Variants in ITGAE observed in about 807,000 individuals in gnomAD.
ITGAE encodes integrin alpha-E.
ITGAE carries 99 observed loss-of-function variants against 136.5 expected under a neutral mutation model. The ratio of observed to expected loss-of-function variants is 0.73; its 90% CI spans 0.62 to 0.86. The LOEUF is 0.86. Among genes scored for constraint, ITGAE ranks in the 40% least tolerant of loss-of-function variants. The pLI, the probability that ITGAE is intolerant of heterozygous loss-of-function variation, is 0.00. For missense variants in ITGAE, 1,447 were observed against 1,515.3 expected, an observed-to-expected ratio of 0.95 and a Z score of 0.75; for synonymous variants, 613 against 591.8, an observed-to-expected ratio of 1.04 and a Z score of -0.52.
chr17:3,791,520 T>A (rs993264164), intron 1 of ITGAE, among the ~76,000 whole-genome samples: 1 of 152,130 alleles, frequency 6.6e-6, no homozygotes, highest in Non-Finnish European at 1.5e-5. Flanking sequence ...TGACCTCAGG[T>A]GATCCACCAG....
At chr17:3,782,231 C>T (rs1349873394) in intron 1 of ITGAE, among the ~76,000 whole-genome samples, 1 of 136,966 alleles carries the variant, frequency 7.3e-6, no homozygotes, top group Non-Finnish European at 1.5e-5. Context: ...ACTGACATCG[C>T]GCCATTGCAC....
intron 15 of ITGAE, 72 bp from the exon 16 acceptor site, chr17:3,750,554 CT>C (rs1235915179): frequency 1.7e-5 from 26 of 1,565,674 alleles, no homozygotes; most frequent in Non-Finnish European, 2.1e-5. Context: ...CTTTCATGAT[CT>C]ATCCCGATCA....
At position 3,716,739 on chromosome 17, in the gene ITGAE, G is replaced by A; in HGVS notation, c.3393C>T (p.Gly1131=). ...TCAACACCAGAAGTCCACCAACGCT[G>A]CCTTTAATGATGATAGGCAAAGAAT... is the stretch of plus-strand genomic sequence containing the variant. ...KYHSLPIIIK[G]SVGGLLVLIV... Residue 1131 remains glycine (G), a synonymous_variant, in exon 30 of 31, where the codon GGC becomes GGT. Coordinates refer to ENST00000263087, the MANE Select transcript of ITGAE (RefSeq NM_002208.5). 6.2e-7 allele frequency: 1 copy of A among 1,612,032 alleles called. No individual in the cohort carries two copies. Among genetic ancestry groups the A allele is most frequent in the South Asian group, 1.1e-5 (1 of 91,028 alleles).
intron 1 of ITGAE, among the ~76,000 whole-genome samples, chr17:3,796,322 C>T (rs550446724): frequency 9.2e-5 from 14 of 152,230 alleles, no homozygotes; most frequent in Middle Eastern, 3.4e-3. Flanking sequence ...CTTTGAGCTG[C>T]GCCTCCATCA....
chr17:3,739,996 G>A (rs1293147584), intron 19 of ITGAE, 118 bp from the exon 20 acceptor site: 4 of 771,154 alleles, frequency 5.2e-6, no homozygotes, highest in African/African-American at 5.1e-5. Flanking sequence ...CCTGAGAAGT[G>A]CAGTTACAGG....
At position 3,742,871 on chromosome 17, in the gene ITGAE, C is replaced by T. The variant is rs1211574824; in HGVS notation, c.2448+618G>A. Among the ~76,000 whole-genome samples the T allele has an allele frequency of 3.3e-5, 5 of 152,248 alleles. No individual in the cohort carries two copies. The South Asian group carries it at 6.2e-4, about 19-fold the overall frequency. On this transcript the variant is annotated intron_variant, in intron 19 of 30. Transcript: ENST00000263087. ...TTCACCATCTTGGCCAGGCTGGTAT[C>T]GAACTCCTGACCTCAGGTGATCCAC...
At chr17:3,725,936 C>T (rs2051200701) in intron 26 of ITGAE, 2 of 1,613,714 alleles carry the variant, frequency 1.2e-6, no homozygotes, top group African/African-American at 2.7e-5. Flanking sequence ...AACTCCACTA[C>T]ACCCTCAATG....
chr17:3,741,842 C>T (rs1229937003), intron 19 of ITGAE, among the ~76,000 whole-genome samples: 11 of 152,084 alleles, frequency 7.2e-5, no homozygotes, highest in East Asian at 1.9e-4. Context: ...TTTGGGAGGC[C>T]GAGGAGGGTA....
intron 14 of ITGAE, 116 bp downstream of exon 14, chr17:3,753,174 C>T: frequency 8.6e-7 from 1 of 1,168,132 alleles, no homozygotes. Context: ...CTGAGCACCT[C>T]CCCATCACTG....
At chr17:3,725,061 C>T in intron 26 of ITGAE, 1 of 1,614,234 alleles carries the variant, frequency 6.2e-7, no homozygotes, top group Non-Finnish European at 8.5e-7. Flanking sequence ...GACTCCTTTA[C>T]AGAATGTCTG....
At chr17:3,800,338 C>T (rs1159530317) in intron 1 of ITGAE, among the ~76,000 whole-genome samples, 1 of 152,114 alleles carries the variant, frequency 6.6e-6, no homozygotes, top group Non-Finnish European at 1.5e-5. Flanking sequence ...CCATCCAATT[C>T]TCCGGCCAAC....
intron 1 of ITGAE, among the ~76,000 whole-genome samples, chr17:3,786,596 A>G (rs1009319766): frequency 6.6e-6 from 1 of 152,176 alleles, no homozygotes; most frequent in African/African-American, 2.4e-5. Flanking sequence ...AGGGAATTAT[A>G]AAAAGCATAA....
chr17:3,773,815 C>A (rs1486520580), intron 2 of ITGAE, among the ~76,000 whole-genome samples: 1 of 152,168 alleles, frequency 6.6e-6, no homozygotes, highest in Non-Finnish European at 1.5e-5. Flanking sequence ...GACCAGCCCC[C>A]ATTTTGAAGC....
intron 11 of ITGAE, 116 bp from the exon 12 acceptor site, chr17:3,755,377 G>A: frequency 8.2e-7 from 1 of 1,218,024 alleles, no homozygotes; most frequent in South Asian, 1.6e-5. Flanking sequence ...GGGGCGTTCG[G>A]TGGTCTAGTG....
At chr17:3,780,560 A>C (rs1160704289) in intron 1 of ITGAE, among the ~76,000 whole-genome samples, 2 of 151,970 alleles carry the variant, frequency 1.3e-5, no homozygotes, top group Non-Finnish European at 2.9e-5. Context: ...GGCCTCCCAA[A>C]GTGCTGGGAT....
chr17:3,753,834 G>C lies in ITGAE; in HGVS notation c.1476C>G (p.Leu492=). 1 of 1,614,160 alleles carries C rather than the reference G, an allele frequency of 6.2e-7. No homozygotes were observed. The highest frequency in any genetic ancestry group is 8.5e-7 in the Non-Finnish European group (1 of 1,180,026). The change falls in exon 13 of 31, where the codon CTC becomes CTG. Residue 492 remains leucine (L), a synonymous_variant. Transcript: ENST00000263087. Reference sequence around the variant, plus strand: ...AGCTGGCCTCTCTGCCCTCCTTCTGGAGCTCAAACACGGCCCCATGATGTT... The same window carrying C: ...AGCTGGCCTCTCTGCCCTCCTTCTGCAGCTCAAACACGGCCCCATGATGTT... ...RYKHHGAVFE[L]QKEGREASFL...
chr17:3,740,791 A>G (rs964900812), intron 19 of ITGAE, among the ~76,000 whole-genome samples: 1 of 152,230 alleles, frequency 6.6e-6, no homozygotes, highest in Non-Finnish European at 1.5e-5. Context: ...TCGTGTTTTT[A>G]AAAATTCCAG....
chr17:3,745,783 A>G lies in ITGAE; in HGVS notation c.2300T>C (p.Leu767Pro). ...ACTTACCTCTCCCTCTGTGGGCATGAGCAGGAGGTCCTCACAAAGCTGGGA... is the reference window on the plus strand; with the variant it reads ...ACTTACCTCTCCCTCTGTGGGCATGGGCAGGAGGTCCTCACAAAGCTGGGA... ...SGSQLCEDLL[L>P]MPTEGELCEE... The change falls in exon 18 of 31, where the codon CTC becomes CCC. Residue 767 changes from leucine to proline, a missense_variant. This residue lies in a region of ITGAE where 1,031 missense variants were observed against 1,011.4 expected (regional missense o/e 1.02). Transcript: ENST00000263087. 6.2e-7 allele frequency: 1 copy of G among 1,614,060 alleles called. No individual in the cohort carries two copies. The highest frequency in any genetic ancestry group is 8.5e-7 in the Non-Finnish European group (1 of 1,180,012).
chr17:3,729,290 TG>T, intron 24 of ITGAE, 187 bp downstream of exon 24: 1 of 580,298 alleles, frequency 1.7e-6, no homozygotes, highest in Non-Finnish European at 3.1e-6. Context: ...ATGACCACAG[TG>T]GGGTTTCTGT....
Sources: gnomAD v4.1 joint callset for allele counts (sites outside exome capture counted in the v4.1 genomes callset) on GRCh38, gnomAD v4.1.1 for gene constraint, gnomAD v4.1.1 regional missense constraint, MANE v1.5 for transcripts, NCBI Gene and HGNC (gene_info 2026-07-23, HGNC 2026-07-21) for gene names.